TTC7A: variants seen among roughly 807,000 people sequenced by gnomAD.
TTC7A encodes the protein tetratricopeptide repeat domain 7A, also known as tetratricopeptide repeat protein 7A.
A neutral mutation model predicts 103.7 loss-of-function variants in TTC7A; 110 were observed. The observed-to-expected ratio is 1.06, with a 90% CI of 0.91 to 1.24. The LOEUF (loss-of-function observed/expected upper bound fraction) is 1.24. Ranked by LOEUF, TTC7A falls within the 50% of genes most tolerant of loss-of-function variation. TTC7A has a pLI of 0.00. For missense variants in TTC7A, 1,340 were observed against 1,116.3 expected, an observed-to-expected ratio of 1.20 and a Z score of -2.86; for synonymous variants, 521 against 467.9, an observed-to-expected ratio of 1.11 and a Z score of -1.47.
chr2:47,050,159 C>A, intron 17 of TTC7A, 113 bp downstream of exon 17: 1 of 896,000 alleles, frequency 1.1e-6, no homozygotes, highest in Non-Finnish European at 1.8e-6. Context: ...GCCAAGCCCA[C>A]CACTGGCTCC....
At chr2:46,967,222 A>G (rs1321266785) in intron 3 of TTC7A, among the ~76,000 whole-genome samples, 1 of 152,192 alleles carries the variant, frequency 6.6e-6, no homozygotes, top group African/African-American at 2.4e-5. Flanking sequence ...CAAAAAAAAA[A>G]TGTGTTAAAT....
rs114392386 is a variant in TTC7A at position 47,073,127 on chromosome 2, G to A, written c.2356-575G>A. On this transcript the variant is annotated intron_variant, in intron 19 of 19. Transcript: ENST00000319190. ...CTGAGGAGCCACCGCACACGCACAC[G>A]TTTGAGCTTTTCCTCCCTGGTGGCA... 4.1e-3 allele frequency among the ~76,000 whole-genome samples: 621 copies of A among 152,208 alleles called. 3 individuals are homozygous for A. Among genetic ancestry groups the A allele is most frequent in the African/African-American group, 0.015 (609 of 41,520 alleles).
At chr2:47,049,327 A>G (rs1650328176) in intron 16 of TTC7A, among the ~76,000 whole-genome samples, 4 of 151,388 alleles carry the variant, frequency 2.6e-5, no homozygotes. Flanking sequence ...CGCTGCCCCC[A>G]CTCTGTGAAA....
chr2:47,053,543 T>TTTGTTTGGTTGGTTGGTTGGTTGG (rs66907808), intron 18 of TTC7A, among the ~76,000 whole-genome samples: 5 of 140,238 alleles, frequency 3.6e-5, no homozygotes, highest in South Asian at 2.4e-4. Flanking sequence ...TGTTTGTTTG[T>TTTGTTTGGTTGGTTGGTTGGTTGG]TTGGTTGGTT....
intron 11 of TTC7A, among the ~76,000 whole-genome samples, chr2:47,016,720 T>C (rs1037089316): frequency 7.2e-5 from 11 of 152,178 alleles, no homozygotes; most frequent in African/African-American, 2.7e-4. Context: ...AGCCACCAGC[T>C]GTTAACTTGG....
intron 5 of TTC7A, among the ~76,000 whole-genome samples, chr2:46,991,037 C>T (rs1052786080): frequency 2.6e-5 from 4 of 152,098 alleles, no homozygotes; most frequent in African/African-American, 9.7e-5. Context: ...CTCAGCTTCC[C>T]GAATAGCTGG....
In TTC7A at chr2:46,958,538, G is replaced by A. The variant is rs1018960408; in HGVS notation, c.517+1531G>A. The A allele has an allele frequency of 4.6e-6, 6 of 1,304,000 alleles. No homozygotes were observed. In the African/African-American group the frequency reaches 9.1e-5, roughly 20 times the overall value. The allele number at this position is 1,304,000 out of a possible 1,614,324, so 80.8% of individuals were successfully genotyped here. A position where few individuals can be genotyped will look rare whatever the true frequency, so the allele number is the denominator to read the frequency against. On this transcript the variant is annotated intron_variant, in intron 3 of 19. Coordinates refer to ENST00000319190, the MANE Select transcript of TTC7A (RefSeq NM_020458.4). Reference sequence around the variant, plus strand: ...GGGGAACACAGTCCCGGTGGTCAGAGGTCCTGCAGGGGAGGTAAGGAGACG... The same window carrying A: ...GGGGAACACAGTCCCGGTGGTCAGAAGTCCTGCAGGGGAGGTAAGGAGACG...
intron 18 of TTC7A, among the ~76,000 whole-genome samples, chr2:47,060,371 A>C (rs989641300): frequency 5.3e-5 from 8 of 152,224 alleles, no homozygotes; most frequent in Non-Finnish European, 1.2e-4. Flanking sequence ...CTCTTTTTCT[A>C]AATAAATAAA....
chr2:47,061,606 A>G (rs1160623577), intron 19 of TTC7A, among the ~76,000 whole-genome samples: 1 of 152,210 alleles, frequency 6.6e-6, no homozygotes, highest in African/African-American at 2.4e-5. Flanking sequence ...GCTGGGGAGC[A>G]GGATGCTGAT....
At chr2:47,065,311 T>C (rs1684096779) in intron 19 of TTC7A, among the ~76,000 whole-genome samples, 1 of 152,142 alleles carries the variant, frequency 6.6e-6, no homozygotes, top group African/African-American at 2.4e-5. Flanking sequence ...TGAGGTAGCT[T>C]AGAACTGTGG....
chr2:46,946,549 A>G (rs7595101), intron 1 of TTC7A, among the ~76,000 whole-genome samples: 19,592 of 152,076 alleles, frequency 0.13, 1,358 homozygotes, highest in African/African-American at 0.16. Context: ...TCAGCCTTCC[A>G]AGTAGCTGGG....
Position 47,074,279 on chromosome 2 carries a change from C to G in TTC7A, c.*356C>G, listed in dbSNP as rs1156604311. On this transcript the variant is annotated 3_prime_UTR_variant, in exon 20 of 20. Coordinates refer to ENST00000319190, the MANE Select transcript of TTC7A (RefSeq NM_020458.4). ...GTGGGGGGTTCTCACTCCCCACTCT[C>G]AGCACAGTACAGACTTCTGGATCTC... The G allele has an allele frequency of 3.1e-6, 1 of 320,366 alleles. No homozygotes were observed. Among genetic ancestry groups the G allele is most frequent in the Admixed American group, 4.6e-5 (1 of 21,542 alleles). The allele number at this position is 320,366 out of a possible 1,614,324, so 19.8% of individuals were successfully genotyped here. A position where few individuals can be genotyped will look rare whatever the true frequency, so the allele number is the denominator to read the frequency against.
intron 11 of TTC7A, among the ~76,000 whole-genome samples, chr2:47,012,643 C>G (rs78680953): frequency 0.13 from 19,225 of 152,222 alleles, 1,203 homozygotes; most frequent in Middle Eastern, 0.17. Context: ...AGGCAATGAG[C>G]TTTCCACAAA....
At chr2:46,981,949 G>A (rs1377331218) in intron 5 of TTC7A, among the ~76,000 whole-genome samples, 1 of 152,226 alleles carries the variant, frequency 6.6e-6, no homozygotes, top group Non-Finnish European at 1.5e-5. Flanking sequence ...CTGGGCCTTG[G>A]GGAGGCAGTC....
At position 47,060,797 on chromosome 2, in the gene TTC7A, C is replaced by T. The variant is rs1261826205; in HGVS notation, c.2181C>T (p.Leu727=). 6 of 1,612,188 alleles carry T rather than the reference C, an allele frequency of 3.7e-6. No individual in the cohort carries two copies. ...AGCTGTTCATGGAGCAGCAGCACCT[C>T]AAGGAAGCAGGTTTCTGCATCCAGG... ...AAELFMEQQH[L]KEAGFCIQEA... Residue 727 remains leucine, a synonymous_variant, in exon 19 of 20, where the codon CTC becomes CTT. Transcript: ENST00000319190.
At chr2:46,938,435 G>A (rs114684758), upstream of TTC7A, among the ~76,000 whole-genome samples, 825 of 151,926 alleles carry the variant, frequency 5.4e-3, 14 homozygotes, top group African/African-American at 0.018. Context: ...CCTGTGCCTC[G>A]GACCTTCAAC....
intron 19 of TTC7A, 23 bp from the exon 20 acceptor site, chr2:47,073,679 C>G (rs1446115990): frequency 6.2e-7 from 1 of 1,611,866 alleles, no homozygotes; most frequent in Non-Finnish European, 8.5e-7. Flanking sequence ...CCCTACTCAC[C>G]CTGCCCTGTG....
At chr2:47,042,702 G>GTGTGTATA (rs111460716) in intron 15 of TTC7A, among the ~76,000 whole-genome samples, 5 of 142,636 alleles carry the variant, frequency 3.5e-5, no homozygotes, top group South Asian at 2.2e-4. Context: ...GTGTGTGTGT[G>GTGTGTATA]TATATATATG....
chr2:47,029,979 C>T (rs374418561), intron 15 of TTC7A, among the ~76,000 whole-genome samples: 3 of 152,200 alleles, frequency 2.0e-5, no homozygotes, highest in Admixed American at 6.5e-5. Context: ...GGAACAAGGC[C>T]GTGCTGGGCC....
Sources: gnomAD v4.1 joint callset for allele counts (sites outside exome capture counted in the v4.1 genomes callset) on GRCh38, gnomAD v4.1.1 for gene constraint, MANE v1.5 for transcripts, NCBI Gene and HGNC (gene_info 2026-07-23, HGNC 2026-07-21) for gene names.